SBF2: variants seen among roughly 807,000 people sequenced by gnomAD.
SBF2 encodes myotubularin-related protein 13.
Under a neutral mutation model 225.2 loss-of-function variants are expected in SBF2, and 112 were observed. The ratio of observed to expected loss-of-function variants is 0.50; its 90% CI spans 0.43 to 0.58. SBF2 has a LOEUF of 0.58. SBF2 is among the 20% of genes least tolerant of loss of function. The pLI, the probability that SBF2 is intolerant of heterozygous loss-of-function variation, is 0.00. For synonymous variants in SBF2, 763 were observed against 773.3 expected, an observed-to-expected ratio of 0.99 and a Z score of 0.22; for missense variants, 1,996 against 2,206.2, an observed-to-expected ratio of 0.90 and a Z score of 1.91.
chr11:10,112,521 T>A (rs1952926625), intron 2 of SBF2, among the ~76,000 whole-genome samples: 1 of 152,226 alleles, frequency 6.6e-6, no homozygotes. Flanking sequence ...CCATTAAACT[T>A]CTTTCTGGTA....
chr11:10,253,717 AG>A (rs1455890110), intron 1 of SBF2, among the ~76,000 whole-genome samples: 2 of 152,160 alleles, frequency 1.3e-5, no homozygotes, highest in African/African-American at 4.8e-5. Flanking sequence ...AGTATAATTT[AG>A]TTTGTCAGTT....
At chr11:10,080,886 C>T in intron 2 of SBF2, among the ~76,000 whole-genome samples, 1 of 152,090 alleles carries the variant, frequency 6.6e-6, no homozygotes, top group East Asian at 1.9e-4. Flanking sequence ...AATAATAAAG[C>T]AATCAATTCA....
intron 2 of SBF2, among the ~76,000 whole-genome samples, chr11:10,146,541 C>A (rs1358063445): frequency 6.6e-6 from 1 of 152,130 alleles, no homozygotes; most frequent in Non-Finnish European, 1.5e-5. Flanking sequence ...TGAAACTGGA[C>A]CCCTTCGTTA....
intron 2 of SBF2, among the ~76,000 whole-genome samples, chr11:10,177,932 A>C (rs1956543705): frequency 6.7e-6 from 1 of 149,578 alleles, no homozygotes; most frequent in Non-Finnish European, 1.5e-5. Context: ...ACACTACCTG[A>C]CTTCAAACTA....
At position 10,139,023 on chromosome 11, in the gene SBF2, G is replaced by T. The variant is rs542739031; in HGVS notation, c.141+54879C>A. 1.2e-3 allele frequency among the ~76,000 whole-genome samples: 180 copies of T among 151,806 alleles called. 1 individual carries two copies. The highest frequency in any genetic ancestry group is 4.0e-3 in the African/African-American group (165 of 41,184). On this transcript the variant is annotated intron_variant, in intron 2 of 39. Coordinates refer to ENST00000256190, the MANE Select transcript of SBF2 (RefSeq NM_030962.4). ...AACAAATGTGACTATGGAAAACCAT[G>T]TAAGAAACTAACTCATATAATAAAA...
intron 27 of SBF2, among the ~76,000 whole-genome samples, chr11:9,830,677 T>A (rs1395102600): frequency 2.0e-5 from 3 of 147,778 alleles, no homozygotes; most frequent in African/African-American, 7.6e-5. Flanking sequence ...GAGGCGGAGG[T>A]TGCAGTGAGC....
At chr11:10,144,538 C>T (rs61878659) in intron 2 of SBF2, among the ~76,000 whole-genome samples, 16,249 of 152,086 alleles carry the variant, frequency 0.11, 1,029 homozygotes, top group Non-Finnish European at 0.12. Flanking sequence ...TTATTAGAAA[C>T]AATTTCATGA....
At chr11:10,194,471 C>T (rs1957291695) in intron 1 of SBF2, among the ~76,000 whole-genome samples, 1 of 152,066 alleles carries the variant, frequency 6.6e-6, no homozygotes, top group Non-Finnish European at 1.5e-5. Context: ...CCTGCAAATA[C>T]CCAGGGATGA....
chr11:9,975,130 G>A (rs1240761620), intron 13 of SBF2, among the ~76,000 whole-genome samples: 3 of 152,188 alleles, frequency 2.0e-5, no homozygotes, highest in African/African-American at 7.2e-5. Flanking sequence ...GTTAAATATT[G>A]TATTACCATA....
chr11:9,972,340 G>T (rs6483860), intron 13 of SBF2, among the ~76,000 whole-genome samples: 75,635 of 151,966 alleles, frequency 0.5, 19,543 homozygotes, highest in Admixed American at 0.6. Flanking sequence ...TAAAAAATAT[G>T]TATTCTCTTA....
chr11:10,214,352 G>A (rs1297762442), intron 1 of SBF2, among the ~76,000 whole-genome samples: 4 of 152,184 alleles, frequency 2.6e-5, no homozygotes, highest in Non-Finnish European at 4.4e-5. Flanking sequence ...GGCCGGGCGC[G>A]GTGGCTCACG....
chr11:9,823,483 A>C (rs968117468), intron 28 of SBF2, among the ~76,000 whole-genome samples: 1 of 151,870 alleles, frequency 6.6e-6, no homozygotes, highest in East Asian at 1.9e-4. Context: ...AAGGCTAGGA[A>C]GAAGAACTAG....
chr11:10,122,615 C>T (rs1953526638), intron 2 of SBF2, among the ~76,000 whole-genome samples: 1 of 152,212 alleles, frequency 6.6e-6, no homozygotes, highest in Non-Finnish European at 1.5e-5. Flanking sequence ...TATTAAAAGG[C>T]ACTTGATTTT....
At chr11:9,813,915 G>A (rs1003085105) in intron 29 of SBF2, among the ~76,000 whole-genome samples, 4 of 151,918 alleles carry the variant, frequency 2.6e-5, no homozygotes, top group African/African-American at 9.7e-5. Context: ...GCACTCCAGC[G>A]TGGGCAGCAG....
chr11:10,238,027 G>C (rs1423606554), intron 1 of SBF2, among the ~76,000 whole-genome samples: 2 of 152,102 alleles, frequency 1.3e-5, no homozygotes, highest in African/African-American at 4.8e-5. Context: ...ATGGGCATAA[G>C]GTATGAATAT....
intron 1 of SBF2, among the ~76,000 whole-genome samples, chr11:10,266,850 A>G (rs1962045832): frequency 6.6e-6 from 1 of 152,218 alleles, no homozygotes. Flanking sequence ...ACACTTTGGG[A>G]AGCCGAGGCT....
At chr11:9,993,147 A>C in intron 10 of SBF2, 44 bp from the exon 11 acceptor site, 21 of 1,416,936 alleles carry the variant, frequency 1.5e-5, no homozygotes, top group Non-Finnish European at 2.1e-5. Context: ...ACTTTTTAAA[A>C]ACAAATGAAA....
chr11:9,830,749 A>AC (rs1412950240), intron 27 of SBF2, among the ~76,000 whole-genome samples: 1 of 151,484 alleles, frequency 6.6e-6, no homozygotes, highest in Non-Finnish European at 1.5e-5. Flanking sequence ...CAAAAACAAA[A>AC]AAAAAAAAAC....
At chr11:10,222,182 T>C (rs1193221679) in intron 1 of SBF2, among the ~76,000 whole-genome samples, 1 of 152,204 alleles carries the variant, frequency 6.6e-6, no homozygotes, top group East Asian at 1.9e-4. Flanking sequence ...TTTGGAGGAA[T>C]ATAATGGAAT....
Sources: gnomAD v4.1 joint callset for allele counts (sites outside exome capture counted in the v4.1 genomes callset) on GRCh38, gnomAD v4.1.1 for gene constraint, MANE v1.5 for transcripts, NCBI Gene and HGNC (gene_info 2026-07-23, HGNC 2026-07-21) for gene names.